Variants in ANKRD26 observed in about 807,000 individuals in gnomAD.
ANKRD26 encodes the protein ankyrin repeat domain 26.
Under a neutral mutation model 208.7 loss-of-function variants are expected in ANKRD26, and 141 were observed. That is an observed-to-expected ratio of 0.68 (90% CI 0.59 to 0.78). ANKRD26 has a LOEUF of 0.78. Among genes scored for constraint, ANKRD26 ranks in the 30% least tolerant of loss-of-function variants. The pLI is 0.00. For synonymous variants in ANKRD26, 636 were observed against 660.4 expected (o/e 0.96, Z 0.57); for missense variants, 1,889 against 1,938.7 (o/e 0.97, Z 0.48).
chr10:27,088,851 T>C (rs764631073), intron 4 of ANKRD26, among the ~76,000 whole-genome samples: 1 of 152,130 alleles, frequency 6.6e-6, no homozygotes, highest in African/African-American at 2.4e-5. Flanking sequence ...AAAGCCTCCA[T>C]GGGTAACTTA....
At chr10:26,970,375 T>A (rs2134582556), downstream of ANKRD26, among the ~76,000 whole-genome samples, 1 of 152,272 alleles carries the variant, frequency 6.6e-6, no homozygotes, top group Non-Finnish European at 1.5e-5. Flanking sequence ...TCTCGTGAGA[T>A]CTAGATAGTG....
intron 15 of ANKRD26, 84 bp downstream of exon 15, chr10:27,060,261 A>C: frequency 7.9e-7 from 1 of 1,273,254 alleles, no homozygotes; most frequent in Non-Finnish European, 1.1e-6. Context: ...AAGAATTAGG[A>C]ATAAGAAAAC....
At chr10:26,955,957 C>A in the ANKRD26 span, among the ~76,000 whole-genome samples, 50,280 of 151,946 alleles carry the variant, frequency 0.33, 10,582 homozygotes, top group Non-Finnish European at 0.47. Flanking sequence ...AAATACTTAA[C>A]TCACTAAAAT....
chr10:27,063,956 A>T (rs772227680), intron 12 of ANKRD26, 32 bp downstream of exon 12: 2 of 1,519,960 alleles, frequency 1.3e-6, no homozygotes, highest in Non-Finnish European at 9.1e-7. Flanking sequence ...ACTCTGTCCA[A>T]TGGCTTTTTA....
In ANKRD26 at chr10:26,975,402, C is replaced by CTTTTTTTTTTTT. The variant is rs60226106; in HGVS notation, c.*910_*921dup. Among the ~76,000 whole-genome samples the CTTTTTTTTTTTT allele has an allele frequency of 5.0e-4, 45 of 90,468 alleles. 2 individuals are homozygous for CTTTTTTTTTTTT. Among genetic ancestry groups the CTTTTTTTTTTTT allele is most frequent in the East Asian group, 6.4e-4 (2 of 3,126 alleles). The allele number at this position is 90,468 out of a possible 152,430, so 59.4% of individuals were successfully genotyped here. On this transcript the variant is annotated 3_prime_UTR_variant and NMD_transcript_variant, in exon 6 of 6. Coordinates refer to the ANKRD26 transcript ENST00000674670. ...AGCCACCTCGCCCAGCTAATTTTTG[C>CTTTTTTTTTTTT]TTTTTTTTTTTTTTTTTTGGTGTAG...
the ANKRD26 span, among the ~76,000 whole-genome samples, chr10:26,956,555 C>T: frequency 1.3e-4 from 19 of 151,940 alleles, no homozygotes; most frequent in Non-Finnish European, 2.4e-4. Context: ...TCACTTGAGC[C>T]CAGAAGGTTA....
intron 29 of ANKRD26, among the ~76,000 whole-genome samples, chr10:27,019,119 A>C (rs958924521): frequency 1.3e-5 from 2 of 152,062 alleles, no homozygotes; most frequent in Non-Finnish European, 2.9e-5. Flanking sequence ...TCTCTACTAA[A>C]AATACAAAAA....
chr10:27,043,393 T>A, intron 20 of ANKRD26, 33 bp downstream of exon 20: 1 of 1,607,910 alleles, frequency 6.2e-7, no homozygotes, highest in South Asian at 1.1e-5. Flanking sequence ...ATGGGATACA[T>A]AAAAAGGCCT....
intron 25 of ANKRD26, among the ~76,000 whole-genome samples, chr10:27,032,558 C>T (rs1487004739): frequency 1.3e-5 from 2 of 151,914 alleles, no homozygotes; most frequent in Non-Finnish European, 2.9e-5. Flanking sequence ...ATTGCTTGAA[C>T]CCAGGAGGCG....
chr10:27,069,191 T>C (rs1391291859), intron 9 of ANKRD26, among the ~76,000 whole-genome samples: 1 of 52,282 alleles, frequency 1.9e-5, no homozygotes, highest in Non-Finnish European at 3.4e-5. Flanking sequence ...TGAGACGTCG[T>C]CTCAAAAAAA....
intron 5 of ANKRD26, among the ~76,000 whole-genome samples, chr10:26,978,739 C>T (rs1396387084): frequency 2.6e-5 from 4 of 152,202 alleles, no homozygotes; most frequent in African/African-American, 9.7e-5. Context: ...CATGCACAGA[C>T]TCTACTTATG....
intron 1 of ANKRD26, among the ~76,000 whole-genome samples, chr10:27,095,262 T>C (rs978682627): frequency 3.9e-5 from 6 of 152,258 alleles, no homozygotes; most frequent in East Asian, 1.9e-4. Context: ...TTTAGATTTA[T>C]AGAATATATG....
chr10:27,059,509 C>A (rs554367897), intron 15 of ANKRD26, among the ~76,000 whole-genome samples: 10 of 152,232 alleles, frequency 6.6e-5, no homozygotes, highest in Admixed American at 2.6e-4. Context: ...GCGAATTCAG[C>A]GTGTTGGTTA....
the ANKRD26 span, among the ~76,000 whole-genome samples, chr10:26,947,718 T>C: frequency 2.0e-4 from 30 of 152,358 alleles, no homozygotes; most frequent in African/African-American, 7.2e-4. Context: ...TTGCAAATCA[T>C]TGACCTTCTT....
intron 20 of ANKRD26, 84 bp downstream of exon 20, chr10:27,043,342 A>T (rs2054327490): frequency 6.7e-7 from 1 of 1,498,196 alleles, no homozygotes; most frequent in Admixed American, 1.7e-5. Flanking sequence ...TGCAAAATGT[A>T]TGCTAAATGT....
chr10:27,074,395 G>T (rs951602089), intron 9 of ANKRD26, among the ~76,000 whole-genome samples: 1 of 152,200 alleles, frequency 6.6e-6, no homozygotes, highest in African/African-American at 2.4e-5. Flanking sequence ...AAAATGTAGT[G>T]GGGGGCTGGG....
intron 5 of ANKRD26, 80 bp from the exon 6 acceptor site, chr10:27,082,913 T>C (rs758198016): frequency 6.3e-5 from 94 of 1,500,982 alleles, no homozygotes; most frequent in Admixed American, 3.7e-4. Context: ...ACTGATAGTT[T>C]GTTACAAAGT....
At chr10:26,985,246 G>C (rs542229785) in intron 3 of ANKRD26, among the ~76,000 whole-genome samples, 1 of 152,270 alleles carries the variant, frequency 6.6e-6, no homozygotes, top group Non-Finnish European at 1.5e-5. Context: ...TTGGGAGAGA[G>C]AACACATGGA....
At chr10:26,972,332 G>A (rs1303749082), downstream of ANKRD26, among the ~76,000 whole-genome samples, 3 of 151,700 alleles carry the variant, frequency 2.0e-5, no homozygotes, top group Non-Finnish European at 4.4e-5. Flanking sequence ...ATTACTGTCG[G>A]TAATAAGTTA....
Sources: gnomAD v4.1 joint callset for allele counts (sites outside exome capture counted in the v4.1 genomes callset) on GRCh38, gnomAD v4.1.1 for gene constraint, MANE v1.5 for transcripts, NCBI Gene and HGNC (gene_info 2026-07-23, HGNC 2026-07-21) for gene names.